The following TRPC5 variants were observed in gnomAD, a reference collection of about 807,000 sequenced individuals.
TRPC5 encodes short transient receptor potential channel 5.
Under a neutral mutation model 56.5 loss-of-function variants are expected in TRPC5, and 9 were observed. The observed-to-expected ratio is 0.16, with a 90% CI of 0.10 to 0.28. The LOEUF is 0.28. Among genes scored for constraint, TRPC5 ranks in the 10% least tolerant of loss-of-function variants. TRPC5 has a pLI of 1.00. For missense variants in TRPC5, 469 were observed against 748.9 expected (o/e 0.63, Z 4.36); for synonymous variants, 282 against 278.5 (o/e 1.01, Z -0.13).
intron 1 of TRPC5, among the ~76,000 whole-genome samples, chrX:112,023,246 G>GTTTTTTTTT (rs1163231468): frequency 3.5e-5 from 2 of 56,680 alleles, no homozygotes; most frequent in African/African-American, 6.8e-5. Context: ...TTTTTTTTTT[G>GTTTTTTTTT]TTTTTTTTTT....
chrX:111,923,540 G>T (rs1220505437), intron 2 of TRPC5, among the ~76,000 whole-genome samples: 2 of 111,731 alleles, frequency 1.8e-5, no homozygotes, highest in Non-Finnish European at 3.8e-5. Flanking sequence ...ATAAAATATG[G>T]GTTCTAATGA....
chrX:111,905,754 A>AGC (rs1925576974), intron 3 of TRPC5, among the ~76,000 whole-genome samples: 1 of 109,324 alleles, frequency 9.1e-6, no homozygotes, highest in Non-Finnish European at 1.9e-5. Flanking sequence ...CTCTACTAAA[A>AGC]ATACAAAAAA....
intron 7 of TRPC5, among the ~76,000 whole-genome samples, chrX:111,786,231 A>G (rs1341167849): frequency 9.0e-6 from 1 of 111,728 alleles, no homozygotes; most frequent in Non-Finnish European, 1.9e-5. Context: ...CAGAAACCCT[A>G]CGAGCCAGAA....
At chrX:111,995,607 G>T (rs1243000033) in intron 1 of TRPC5, among the ~76,000 whole-genome samples, 1 of 110,922 alleles carries the variant, frequency 9.0e-6, no homozygotes, top group Non-Finnish European at 1.9e-5. Context: ...ACTTTTTTTG[G>T]TTTGGTAGGC....
chrX:112,036,212 G>C (rs1234954640), intron 1 of TRPC5, among the ~76,000 whole-genome samples: 2 of 111,514 alleles, frequency 1.8e-5, no homozygotes, highest in Non-Finnish European at 3.8e-5. Context: ...GAAAATTTAT[G>C]CCCAGATTTT....
intron 1 of TRPC5, among the ~76,000 whole-genome samples, chrX:112,058,652 A>G (rs1217453001): frequency 8.9e-6 from 1 of 112,280 alleles, no homozygotes; most frequent in Non-Finnish European, 1.9e-5. Flanking sequence ...ATCTTGCCAT[A>G]TACTCTCATC....
chrX:111,843,110 T>C (rs1337826427), intron 6 of TRPC5, among the ~76,000 whole-genome samples: 1 of 112,534 alleles, frequency 8.9e-6, no homozygotes, highest in East Asian at 2.8e-4. Flanking sequence ...CTCTATTATT[T>C]CTTCCGATTA....
At chrX:111,985,094 A>C (rs1053452656) in intron 1 of TRPC5, among the ~76,000 whole-genome samples, 3 of 112,150 alleles carry the variant, frequency 2.7e-5, no homozygotes, top group African/African-American at 9.7e-5. Context: ...AATCTCTGCA[A>C]TCTTGCCAGG....
At chrX:111,916,882 C>T (rs1419333360) in intron 2 of TRPC5, among the ~76,000 whole-genome samples, 1 of 112,889 alleles carries the variant, frequency 8.9e-6, no homozygotes, top group African/African-American at 3.2e-5. Flanking sequence ...TTGTGACCTT[C>T]GTGCTAGCAC....
chrX:111,965,441 A>T, intron 1 of TRPC5, among the ~76,000 whole-genome samples: 1 of 111,401 alleles, frequency 9.0e-6, no homozygotes, highest in Admixed American at 9.5e-5. Flanking sequence ...AAAGTATATC[A>T]AGGAATTGAA....
chrX:112,075,620 C>G (rs1054163012), intron 1 of TRPC5, among the ~76,000 whole-genome samples: 3 of 111,601 alleles, frequency 2.7e-5, no homozygotes, highest in African/African-American at 9.8e-5. Context: ...TGGATTATGT[C>G]AGTGGGCCCA....
At position 111,825,252 on chromosome X, in the gene TRPC5, CTCTT is replaced by C. The variant is rs1208972307; in HGVS notation, c.1896+9665_1896+9668del. 2.1e-3 allele frequency among the ~76,000 whole-genome samples: 175 copies of C among 84,462 alleles called. 2 individuals carry two copies. The highest frequency in any genetic ancestry group is 8.9e-3 in the African/African-American group (150 of 16,879). The allele number at this position is 84,462 out of a possible 115,157, so 73.3% of individuals were successfully genotyped here. On this transcript the variant is annotated intron_variant, in intron 7 of 10. Transcript: ENST00000262839. ...TTTCTCTCTCTCTCTCTCTCTCTCT[CTCTT>C]TCTTTCTTTCTTTCTTCGACAGTCT...
chrX:111,784,288 G>C (rs1945942922), intron 7 of TRPC5, among the ~76,000 whole-genome samples: 1 of 111,644 alleles, frequency 9.0e-6, no homozygotes, highest in African/African-American at 3.3e-5. Flanking sequence ...AAAGAAAATA[G>C]GTAAATTTGA....
chrX:112,042,965 C>T (rs1338450308), intron 1 of TRPC5, among the ~76,000 whole-genome samples: 6 of 111,517 alleles, frequency 5.4e-5, no homozygotes, highest in Non-Finnish European at 1.1e-4. Flanking sequence ...ATATATTCAC[C>T]CTTTAAGTTC....
At chrX:112,067,603 G>A (rs1338464338) in intron 1 of TRPC5, among the ~76,000 whole-genome samples, 1 of 111,511 alleles carries the variant, frequency 9.0e-6, no homozygotes, top group Non-Finnish European at 1.9e-5. Flanking sequence ...GCTGGCCAGA[G>A]GGAAGGCATT....
chrX:111,985,415 T>G (rs1315672529), intron 1 of TRPC5, among the ~76,000 whole-genome samples: 1 of 112,202 alleles, frequency 8.9e-6, no homozygotes, highest in Non-Finnish European at 1.9e-5. Flanking sequence ...TATTTTCACT[T>G]CAGAGCCAGT....
chrX:111,915,195 C>T (rs1925939253), intron 2 of TRPC5, among the ~76,000 whole-genome samples: 1 of 111,905 alleles, frequency 8.9e-6, no homozygotes, highest in Non-Finnish European at 1.9e-5. Flanking sequence ...TAGTGTTTAG[C>T]CCCACTTGTA....
intron 7 of TRPC5, among the ~76,000 whole-genome samples, chrX:111,834,514 A>G (rs1317267756): frequency 9.0e-6 from 1 of 111,100 alleles, no homozygotes; most frequent in African/African-American, 3.3e-5. Flanking sequence ...CTTAGTTTTC[A>G]GAGGGAGATG....
chrX:112,046,227 T>C (rs1930019853), intron 1 of TRPC5, among the ~76,000 whole-genome samples: 1 of 106,870 alleles, frequency 9.4e-6, no homozygotes, highest in African/African-American at 3.4e-5. Flanking sequence ...TTATTTCTTT[T>C]AGATTAGAAG....
Sources: allele counts gnomAD v4.1 joint callset (sites outside exome capture counted in the v4.1 genomes callset), GRCh38; gene constraint gnomAD v4.1.1; transcripts MANE v1.5; gene names NCBI Gene and HGNC (gene_info 2026-07-23, HGNC 2026-07-21).